The following POU2F1 variants were observed in gnomAD, a reference collection of about 807,000 sequenced individuals.
POU2F1 encodes POU class 2 homeobox 1.
POU2F1 carries 16 observed loss-of-function variants against 84.9 expected under a neutral mutation model. That is an observed-to-expected ratio of 0.19 (90% CI 0.13 to 0.29). The LOEUF (loss-of-function observed/expected upper bound fraction) is 0.29, where lower values mean the gene tolerates loss of function less well. Ranked by LOEUF, POU2F1 falls within the 10% of genes least tolerant of loss-of-function variation. POU2F1 has a pLI of 1.00. For synonymous variants in POU2F1, 368 were observed against 368.3 expected (o/e 1.00, Z 0.01); for missense variants, 738 against 942.6 (o/e 0.78, Z 2.84).
chr1:167,232,799 C>T (rs897559034), intron 1 of POU2F1, among the ~76,000 whole-genome samples: 12 of 150,978 alleles, frequency 7.9e-5, no homozygotes, highest in Non-Finnish European at 1.2e-4. Flanking sequence ...GCTGAGATTG[C>T]GCCACTGCAC....
At chr1:167,265,389 C>T (rs1016209453) in intron 1 of POU2F1, among the ~76,000 whole-genome samples, 2 of 152,118 alleles carry the variant, frequency 1.3e-5, no homozygotes, top group African/African-American at 4.8e-5. Context: ...TCTATTAAAC[C>T]ATTATGAAAT....
At chr1:167,396,140 G>T in intron 9 of POU2F1, 146 bp from the exon 10 acceptor site, 3 of 909,328 alleles carry the variant, frequency 3.3e-6, no homozygotes, top group South Asian at 3.3e-5. Context: ...TAGGGATGGA[G>T]TTTATGTGGG....
At chr1:167,351,449 C>T (rs1176640928) in intron 2 of POU2F1, among the ~76,000 whole-genome samples, 3 of 135,764 alleles carry the variant, frequency 2.2e-5, no homozygotes, top group African/African-American at 8.3e-5. Context: ...ACCTGGGAGG[C>T]GCAGGGTTGC....
chr1:167,345,498 G>T (rs753784918), intron 2 of POU2F1, among the ~76,000 whole-genome samples: 2 of 152,164 alleles, frequency 1.3e-5, no homozygotes, highest in Non-Finnish European at 2.9e-5. Context: ...AGCAGGATTT[G>T]TAGCAAAGTG....
At chr1:167,346,833 A>T (rs1297515184) in intron 2 of POU2F1, among the ~76,000 whole-genome samples, 1 of 152,144 alleles carries the variant, frequency 6.6e-6, no homozygotes, top group Admixed American at 6.5e-5. Context: ...TATGCTTCTT[A>T]CTTTTGTAGT....
At chr1:167,236,595 C>T (rs1324694899) in intron 1 of POU2F1, among the ~76,000 whole-genome samples, 1 of 152,170 alleles carries the variant, frequency 6.6e-6, no homozygotes, top group African/African-American at 2.4e-5. Flanking sequence ...GCCCCACCTC[C>T]TTCCCCGCAG....
chr1:167,411,370 A>G (rs994811454), intron 13 of POU2F1, among the ~76,000 whole-genome samples: 7 of 151,678 alleles, frequency 4.6e-5, no homozygotes, highest in Admixed American at 3.9e-4. Flanking sequence ...CTTAATTTTT[A>G]TGCTTTTATG....
chr1:167,375,816 C>T (rs1337288817), intron 6 of POU2F1, among the ~76,000 whole-genome samples: 1 of 152,154 alleles, frequency 6.6e-6, no homozygotes, highest in African/African-American at 2.4e-5. Context: ...CAATATATGT[C>T]AGTCCACAAA....
chr1:167,398,419 G>A (rs965278455), intron 11 of POU2F1, among the ~76,000 whole-genome samples: 11 of 152,090 alleles, frequency 7.2e-5, no homozygotes, highest in African/African-American at 2.7e-4. Context: ...AAAGGTGGGG[G>A]GAAAGTACTT....
At chr1:167,412,954 C>T in intron 14 of POU2F1, 72 bp from the exon 15 acceptor site, 1 of 1,272,234 alleles carries the variant, frequency 7.9e-7, no homozygotes, top group Non-Finnish European at 1.1e-6. Flanking sequence ...TTTGTAAGTT[C>T]CTTTTGGTGT....
At position 167,240,772 on chromosome 1, in the gene POU2F1, G is replaced by A. The variant is rs191970452; in HGVS notation, c.61+19814G>A. On this transcript the variant is annotated intron_variant, in intron 1 of 15. Transcript: ENST00000367866. ...AGCCCTTCCCTAGAGGTTTGCCAAC[G>A]TTATTTCTATGTGGAAATCCATTCA... Among the ~76,000 whole-genome samples, 412 of 152,260 alleles carry A rather than the reference G, an allele frequency of 2.7e-3. 3 individuals carry two copies. The highest frequency in any genetic ancestry group is 4.3e-3 in the Non-Finnish European group (291 of 68,032).
chr1:167,360,856 G>A (rs1275149883), intron 2 of POU2F1, among the ~76,000 whole-genome samples: 3 of 151,958 alleles, frequency 2.0e-5, no homozygotes, highest in South Asian at 2.1e-4. Context: ...TGTTTGTGTC[G>A]TCTGTGATTT....
intron 1 of POU2F1, among the ~76,000 whole-genome samples, chr1:167,305,362 T>G (rs371485410): frequency 1.2e-4 from 18 of 152,062 alleles, no homozygotes; most frequent in African/African-American, 3.6e-4. Context: ...TAATTTTTGT[T>G]TTTTTGTTTG....
intron 2 of POU2F1, among the ~76,000 whole-genome samples, chr1:167,362,652 G>C (rs1659419010): frequency 6.6e-6 from 1 of 152,172 alleles, no homozygotes; most frequent in African/African-American, 2.4e-5. Context: ...GCTGGAATTA[G>C]AGGGGAAAGC....
chr1:167,413,679 C>T (rs1371300775), intron 15 of POU2F1, among the ~76,000 whole-genome samples: 6 of 152,138 alleles, frequency 3.9e-5, no homozygotes, highest in Admixed American at 1.3e-4. Context: ...GTCTCTTTTC[C>T]AAGCTCAGCT....
In POU2F1 at chr1:167,284,436, T is replaced by C. The variant is rs765080523; in HGVS notation, c.62-48034T>C. 2.2e-4 allele frequency among the ~76,000 whole-genome samples: 34 copies of C among 152,216 alleles called. 1 individual carries two copies. The Middle Eastern group carries it at 0.01, about 46-fold the overall frequency. On this transcript the variant is annotated intron_variant, in intron 1 of 15. Coordinates refer to ENST00000367866, the MANE Select transcript of POU2F1 (RefSeq NM_002697.4). ...CTTACCATCTTCAGTTACATTGTTT[T>C]GCTGAACTTAAGCTGTGTATTGCAC...
intron 1 of POU2F1, among the ~76,000 whole-genome samples, chr1:167,287,497 G>GA (rs930632816): frequency 1.4e-4 from 22 of 151,986 alleles, no homozygotes; most frequent in Admixed American, 1.1e-3. Context: ...ACCAACAAAG[G>GA]AAAAAAATAG....
chr1:167,282,049 C>G (rs1476684555), intron 1 of POU2F1, among the ~76,000 whole-genome samples: 2 of 152,200 alleles, frequency 1.3e-5, no homozygotes, highest in African/African-American at 4.8e-5. Context: ...CTACTCTTGC[C>G]TAGGGTTCAT....
intron 4 of POU2F1, among the ~76,000 whole-genome samples, chr1:167,370,820 T>C (rs569413495): frequency 4.6e-5 from 7 of 152,324 alleles, no homozygotes; most frequent in Admixed American, 6.5e-5. Flanking sequence ...TGTTGGTGGA[T>C]AGACAATCAA....
Sources: gnomAD v4.1 joint callset for allele counts (sites outside exome capture counted in the v4.1 genomes callset) on GRCh38, gnomAD v4.1.1 for gene constraint, MANE v1.5 for transcripts, NCBI Gene and HGNC (gene_info 2026-07-23, HGNC 2026-07-21) for gene names.